Variants in LRRC4C observed in about 807,000 individuals in gnomAD.
LRRC4C encodes leucine-rich repeat-containing protein 4C.
Under a neutral mutation model 33.6 loss-of-function variants are expected in LRRC4C, and 5 were observed. The ratio of observed to expected loss-of-function variants is 0.15; its 90% confidence interval spans 0.08 to 0.31. The LOEUF (loss-of-function observed/expected upper bound fraction) is 0.31, where lower values mean the gene tolerates loss of function less well. Ranked by LOEUF, LRRC4C falls within the 10% of genes least tolerant of loss-of-function variation. LRRC4C has a pLI of 1.00. For missense variants in LRRC4C, 560 were observed against 796.7 expected, an observed-to-expected ratio of 0.70 and a Z score of 3.58; for synonymous variants, 329 against 302.0, an observed-to-expected ratio of 1.09 and a Z score of -0.93.
At chr11:40,615,798 T>C (rs1238702203) in intron 3 of LRRC4C, among the ~76,000 whole-genome samples, 2 of 151,788 alleles carry the variant, frequency 1.3e-5, no homozygotes, top group Non-Finnish European at 2.9e-5. Flanking sequence ...TTTCATGGCT[T>C]CTGGGGCATT....
At chr11:41,262,715 C>T (rs1731054129) in intron 1 of LRRC4C, among the ~76,000 whole-genome samples, 1 of 152,016 alleles carries the variant, frequency 6.6e-6, no homozygotes, top group African/African-American at 2.4e-5. Context: ...TCAAAATATA[C>T]ATTGCAGGTT....
chr11:40,750,978 T>C (rs534542493), intron 2 of LRRC4C, among the ~76,000 whole-genome samples: 2 of 152,160 alleles, frequency 1.3e-5, no homozygotes, highest in Admixed American at 6.6e-5. Flanking sequence ...CAAATCAATA[T>C]ATGTGATACA....
chr11:40,946,112 A>T (rs1243526382), intron 1 of LRRC4C, among the ~76,000 whole-genome samples: 1 of 151,994 alleles, frequency 6.6e-6, no homozygotes, highest in Non-Finnish European at 1.5e-5. Context: ...AGTAGTCCTC[A>T]GTGTCTATTG....
chr11:40,624,117 G>A (rs1962711473), intron 3 of LRRC4C, among the ~76,000 whole-genome samples: 1 of 152,074 alleles, frequency 6.6e-6, no homozygotes, highest in Non-Finnish European at 1.5e-5. Flanking sequence ...ACCTGGGAAA[G>A]AGTTGGGTGC....
chr11:40,239,027 T>G (rs1865759014), intron 5 of LRRC4C, among the ~76,000 whole-genome samples: 1 of 152,196 alleles, frequency 6.6e-6, no homozygotes, highest in Non-Finnish European at 1.5e-5. Context: ...CTACTTAAAT[T>G]ACTCTAACCT....
intron 6 of LRRC4C, among the ~76,000 whole-genome samples, chr11:40,127,102 C>T (rs1300838380): frequency 6.6e-6 from 1 of 151,768 alleles, no homozygotes; most frequent in African/African-American, 2.4e-5. Context: ...CATGGTGAAA[C>T]CCCGTCTCTA....
chr11:40,677,223 T>TA (rs1565626294), intron 2 of LRRC4C, among the ~76,000 whole-genome samples: 1 of 152,016 alleles, frequency 6.6e-6, no homozygotes, highest in Non-Finnish European at 1.5e-5. Context: ...CTGTCCCTAC[T>TA]AAAAATACAA....
intron 1 of LRRC4C, among the ~76,000 whole-genome samples, chr11:41,185,607 G>A (rs79747721): frequency 0.021 from 3,236 of 152,244 alleles, 43 homozygotes; most frequent in Non-Finnish European, 0.034. Context: ...TGGAGAAAAG[G>A]TTGGGAAGGG....
At chr11:40,258,150 C>T (rs1867370947) in intron 4 of LRRC4C, among the ~76,000 whole-genome samples, 1 of 152,028 alleles carries the variant, frequency 6.6e-6, no homozygotes, top group Admixed American at 6.6e-5. Flanking sequence ...AATATTTTAC[C>T]TACAGGTACA....
chr11:41,218,185 C>A (rs1392454780), intron 1 of LRRC4C, among the ~76,000 whole-genome samples: 1 of 151,664 alleles, frequency 6.6e-6, no homozygotes, highest in Non-Finnish European at 1.5e-5. Flanking sequence ...TCACCCATAT[C>A]TAACACAGTG....
At chr11:40,364,632 A>G (rs186754496) in intron 3 of LRRC4C, among the ~76,000 whole-genome samples, 2 of 151,660 alleles carry the variant, frequency 1.3e-5, no homozygotes, top group Non-Finnish European at 1.5e-5. Flanking sequence ...AATTGTCAGA[A>G]AAGAATGTTT....
At chr11:40,397,943 C>A (rs1949607028) in intron 3 of LRRC4C, among the ~76,000 whole-genome samples, 1 of 152,046 alleles carries the variant, frequency 6.6e-6, no homozygotes, top group East Asian at 1.9e-4. Context: ...GACAACTGAT[C>A]ACCCTAATTT....
At chr11:40,915,133 T>G (rs1176357601) in intron 2 of LRRC4C, among the ~76,000 whole-genome samples, 11 of 152,028 alleles carry the variant, frequency 7.2e-5, no homozygotes, top group Non-Finnish European at 1.5e-4. Flanking sequence ...AGGTAATTTA[T>G]AGATTCAATG....
chr11:41,220,533 T>TACACAC (rs3067232), intron 1 of LRRC4C, among the ~76,000 whole-genome samples: 2,579 of 144,318 alleles, frequency 0.018, 31 homozygotes, highest in Admixed American at 0.025. Flanking sequence ...CACACAGACA[T>TACACAC]ACACACACAC....
At chr11:40,557,590 A>G (rs910227807) in intron 3 of LRRC4C, among the ~76,000 whole-genome samples, 1 of 152,094 alleles carries the variant, frequency 6.6e-6, no homozygotes, top group Non-Finnish European at 1.5e-5. Flanking sequence ...AATCTCAAAC[A>G]CTTTCTAAAA....
chr11:41,102,625 T>G (rs1008405043), intron 1 of LRRC4C, among the ~76,000 whole-genome samples: 5 of 152,034 alleles, frequency 3.3e-5, no homozygotes, highest in Non-Finnish European at 5.9e-5. Flanking sequence ...GCTGTAATAG[T>G]AAATGATCTC....
chr11:40,566,223 CA>C (rs1957763573), intron 3 of LRRC4C, among the ~76,000 whole-genome samples: 1 of 147,870 alleles, frequency 6.8e-6, no homozygotes. Context: ...GTTGGATATT[CA>C]ATTGGATTTG....
intron 1 of LRRC4C, among the ~76,000 whole-genome samples, chr11:41,075,013 T>TCAATGAAACCACATGGAAG (rs1939001630): frequency 1.4e-4 from 2 of 14,688 alleles, no homozygotes; most frequent in Non-Finnish European, 2.4e-4. Context: ...CCTTCAATTT[T>TCAATGAAACCACATGGAAG]CTTTTTTTTT....
intron 1 of LRRC4C, among the ~76,000 whole-genome samples, chr11:41,113,158 C>T (rs1160404917): frequency 2.6e-5 from 4 of 151,942 alleles, no homozygotes; most frequent in Non-Finnish European, 5.9e-5. Flanking sequence ...GGAGGTGATG[C>T]CACTTTATAA....
Sources: gnomAD v4.1 joint callset for allele counts (sites outside exome capture counted in the v4.1 genomes callset) on GRCh38, gnomAD v4.1.1 for gene constraint, MANE v1.5 for transcripts, NCBI Gene and HGNC (gene_info 2026-07-23, HGNC 2026-07-21) for gene names.